LPAR3: variants seen among roughly 807,000 people sequenced by gnomAD.
LPAR3 encodes the protein lysophosphatidic acid receptor 3.
Under a neutral mutation model 17.8 loss-of-function variants are expected in LPAR3, and 7 were observed. The ratio of observed to expected loss-of-function variants is 0.39; its 90% CI spans 0.22 to 0.74. LPAR3 has a LOEUF of 0.74. Ranked by LOEUF, LPAR3 falls within the 30% of genes least tolerant of loss-of-function variation. The pLI, the probability that LPAR3 is intolerant of heterozygous loss-of-function variation, is 0.40. For synonymous variants in LPAR3, 179 were observed against 179.9 expected, an observed-to-expected ratio of 0.99 and a Z score of 0.04; for missense variants, 391 against 453.4, an observed-to-expected ratio of 0.86 and a Z score of 1.25.
intron 1 of LPAR3, among the ~76,000 whole-genome samples, chr1:84,889,130 C>G (rs1660510746): frequency 6.6e-6 from 1 of 151,960 alleles, no homozygotes; most frequent in Non-Finnish European, 1.5e-5. Context: ...GGACATAAGA[C>G]TGGGGGTGAT....
chr1:84,865,320 C>T (rs995142576), intron 2 of LPAR3, 65 bp downstream of exon 2: 4 of 1,510,196 alleles, frequency 2.6e-6, no homozygotes, highest in Non-Finnish European at 2.7e-6. Flanking sequence ...TGGTACACCA[C>T]AGATGCTCCG....
intron 2 of LPAR3, among the ~76,000 whole-genome samples, chr1:84,832,228 C>G (rs1659299571): frequency 1.3e-5 from 2 of 152,150 alleles, no homozygotes; most frequent in Non-Finnish European, 2.9e-5. Flanking sequence ...CATAAACAGG[C>G]CCCCTCCCCA....
At chr1:84,876,392 G>C (rs561731560) in intron 1 of LPAR3, among the ~76,000 whole-genome samples, 2 of 152,230 alleles carry the variant, frequency 1.3e-5, no homozygotes, top group South Asian at 4.2e-4. Context: ...CCAATGAGAG[G>C]AACAGCAAGA....
intron 1 of LPAR3, among the ~76,000 whole-genome samples, chr1:84,869,163 A>C (rs1377824047): frequency 6.6e-6 from 1 of 152,156 alleles, no homozygotes; most frequent in African/African-American, 2.4e-5. Flanking sequence ...TATTTCTTAC[A>C]TGTGGTCGAA....
At position 84,891,457 on chromosome 1, in the gene LPAR3, C is replaced by T. The variant is rs192048194; in HGVS notation, c.-19+1559G>A. Among the ~76,000 whole-genome samples the T allele has an allele frequency of 4.3e-4, 65 of 152,260 alleles. No homozygotes were observed. The East Asian group carries it at 5.4e-3, about 13-fold the overall frequency. ...CTCTGACTGGCAGGGTTTGCTCGCTCGTCTTTTTAGTATAGTCCAGTTTGT... is the reference window on the plus strand; with the variant it reads ...CTCTGACTGGCAGGGTTTGCTCGCTTGTCTTTTTAGTATAGTCCAGTTTGT... On this transcript the variant is annotated intron_variant, in intron 1 of 2. Transcript: ENST00000370611.
intron 1 of LPAR3, among the ~76,000 whole-genome samples, chr1:84,866,577 C>T (rs529859844): frequency 2.0e-4 from 31 of 152,294 alleles, no homozygotes; most frequent in African/African-American, 7.0e-4. Context: ...GTTAATGCCT[C>T]CTCCTGGCTC....
At chr1:84,862,942 G>A (rs72718735) in intron 2 of LPAR3, among the ~76,000 whole-genome samples, 7,243 of 152,198 alleles carry the variant, frequency 0.048, 274 homozygotes, top group African/African-American at 0.099. Context: ...CTGTAACCCA[G>A]AATTAGAACT....
intron 2 of LPAR3, among the ~76,000 whole-genome samples, chr1:84,862,684 T>C (rs1013741301): frequency 7.9e-5 from 12 of 152,246 alleles, no homozygotes; most frequent in Admixed American, 1.3e-4. Context: ...TTTCAGGACC[T>C]AGAGGCATTG....
chr1:84,880,632 A>G (rs1174734094), intron 1 of LPAR3, among the ~76,000 whole-genome samples: 1 of 152,220 alleles, frequency 6.6e-6, no homozygotes, highest in Non-Finnish European at 1.5e-5. Context: ...GCAAGCTGGA[A>G]AATAAGTCAT....
At chr1:84,815,641 A>G (rs1390548470) in intron 2 of LPAR3, among the ~76,000 whole-genome samples, 2 of 152,182 alleles carry the variant, frequency 1.3e-5, no homozygotes, top group African/African-American at 4.8e-5. Flanking sequence ...GAGTGACCCG[A>G]ATTATGGGAA....
Position 84,891,076 on chromosome 1 carries a change from T to G in LPAR3, c.-19+1940A>C, listed in dbSNP as rs77133674. On this transcript the variant is annotated intron_variant, in intron 1 of 2. Coordinates refer to ENST00000370611, the MANE Select transcript of LPAR3 (RefSeq NM_012152.3). The stretch of plus-strand genomic sequence containing the variant: ...TCATACTTTAATGTTTTAAATTCAG[T>G]CTCCATTCATAGAAAACATATGCAG... Among the ~76,000 whole-genome samples the G allele has an allele frequency of 2.4e-4, 37 of 151,750 alleles. No homozygotes were observed. In the East Asian group the frequency reaches 3.5e-3, roughly 14 times the overall value.
Position 84,893,147 on chromosome 1 carries a change from C to CGGCG in LPAR3, c.-154_-151dup, listed in dbSNP as rs1243933416. The stretch of plus-strand genomic sequence containing the variant: ...GGGCGCGGAGAAGCAGCGGAGGACG[C>CGGCG]GGCGGGCGGGCGGAGCGCCTCCTCT... On this transcript the variant is annotated 5_prime_UTR_variant, in exon 1 of 3. Transcript: ENST00000370611. 1 of 152,086 alleles carries CGGCG rather than the reference C, an allele frequency of 6.6e-6. No individual in the cohort carries two copies. Among genetic ancestry groups the CGGCG allele is most frequent in the Non-Finnish European group, 1.5e-5 (1 of 68,022 alleles). 9.4% of individuals were successfully genotyped at this position (152,086 alleles called of 1,614,324 possible). A position where few individuals can be genotyped will look rare whatever the true frequency, so the allele number is the denominator to read the frequency against.
At chr1:84,853,254 G>A (rs1241413188) in intron 2 of LPAR3, among the ~76,000 whole-genome samples, 1 of 152,144 alleles carries the variant, frequency 6.6e-6, no homozygotes, top group African/African-American at 2.4e-5. Flanking sequence ...GAGTAGGCTC[G>A]TGGATCCCCC....
At chr1:84,827,778 G>A (rs1659191293) in intron 2 of LPAR3, among the ~76,000 whole-genome samples, 1 of 152,158 alleles carries the variant, frequency 6.6e-6, no homozygotes, top group South Asian at 2.1e-4. Context: ...CACATTGAAA[G>A]GCTTAGAGAC....
rs1016328723 is a variant in LPAR3, at chr1:84,812,815, C to T, written c.*1031G>A. ...GGGTTTTCTCTACCTGCTCCTTAAACGTTGGTGTTCTCTTGGCTTCTTTTG... is the reference window on the plus strand; with the variant it reads ...GGGTTTTCTCTACCTGCTCCTTAAATGTTGGTGTTCTCTTGGCTTCTTTTG... On this transcript the variant is annotated 3_prime_UTR_variant, in exon 3 of 3. Transcript: ENST00000370611. The T allele has an allele frequency of 6.6e-6, 1 of 152,024 alleles. No individual in the cohort carries two copies. The highest frequency in any genetic ancestry group is 1.5e-5 in the Non-Finnish European group (1 of 68,046). 9.4% of individuals were successfully genotyped at this position (152,024 alleles called of 1,614,324 possible).
chr1:84,820,576 G>C (rs571923668), intron 2 of LPAR3, among the ~76,000 whole-genome samples: 2 of 152,262 alleles, frequency 1.3e-5, no homozygotes, highest in African/African-American at 4.8e-5. Flanking sequence ...GAGGAAGTAA[G>C]GTAAAGTCTG....
intron 2 of LPAR3, among the ~76,000 whole-genome samples, chr1:84,826,411 T>G (rs1033838942): frequency 3.3e-5 from 5 of 151,978 alleles, no homozygotes; most frequent in Non-Finnish European, 5.9e-5. Flanking sequence ...TTTGAATGGT[T>G]GACAGAACTT....
intron 2 of LPAR3, among the ~76,000 whole-genome samples, chr1:84,818,512 C>T (rs147773082): frequency 4.9e-4 from 74 of 152,058 alleles, no homozygotes; most frequent in Non-Finnish European, 7.2e-4. Context: ...AGTGTGTGTG[C>T]GATGCACGCA....
chr1:84,890,915 G>T (rs924950925), intron 1 of LPAR3, among the ~76,000 whole-genome samples: 3 of 152,212 alleles, frequency 2.0e-5, no homozygotes, highest in Non-Finnish European at 2.9e-5. Context: ...GAGAGTGTGT[G>T]TCTGGGTGCT....
Sources: gnomAD v4.1 joint callset for allele counts (sites outside exome capture counted in the v4.1 genomes callset) on GRCh38, gnomAD v4.1.1 for gene constraint, MANE v1.5 for transcripts, NCBI Gene and HGNC (gene_info 2026-07-23, HGNC 2026-07-21) for gene names.